The following NLRC3 variants were observed in gnomAD, a reference collection of about 807,000 sequenced individuals.
The protein encoded by NLRC3 is NLR family CARD domain-containing protein 3.
A neutral mutation model predicts 91.6 loss-of-function variants in NLRC3; 87 were observed. The ratio of observed to expected loss-of-function variants is 0.95; its 90% CI spans 0.80 to 1.14. NLRC3 has a LOEUF of 1.14. Among genes scored for constraint, NLRC3 ranks in the 50% most tolerant of loss-of-function variants. The probability of loss-of-function intolerance (pLI) is 0.00; values close to 1 mark genes in which losing one functional copy is unlikely to be tolerated. For missense variants in NLRC3, 1,577 were observed against 1,418.6 expected (o/e 1.11, Z -1.79); for synonymous variants, 694 against 625.3 (o/e 1.11, Z -1.64).
At position 3,564,075 on chromosome 16, in the gene NLRC3, C is replaced by T. The variant is rs1452604721; in HGVS notation, c.862G>A (p.Gly288Ser). ...ACCTTGATCTCCTCCTCGTTAAAGC[C>T]CCGGATCTCCGTCATCCGGTCCACC... ...GLVDRMTEIR[G>S]FNEEEIKVCL... The change falls in exon 5 of 20, where the codon GGC (glycine) becomes AGC (serine). Residue 288 changes from glycine (G) to serine (S), a missense_variant. Gly to Ser is a moderately conservative substitution (Grantham distance 56, BLOSUM62 0). Coordinates refer to ENST00000359128, the MANE Select transcript of NLRC3 (RefSeq NM_178844.4). This position sits in a 1 kb window ranked among gnomAD's most constrained non-coding sequence, Gnocchi z 5.9. 2 of 1,613,396 alleles carry T rather than the reference C, an allele frequency of 1.2e-6. No individual in the cohort carries two copies. The highest frequency in any genetic ancestry group is 8.5e-7 in the Non-Finnish European group (1 of 1,179,884).
Position 3,549,134 on chromosome 16 carries a change from C to G in NLRC3, c.2603+8G>C. On this transcript the variant is annotated splice_region_variant and intron_variant, in intron 13 of 19. Transcript: ENST00000359128. ...CAGCCTGTGGAGTCACAGGCCCCCA[C>G]CACGTACTCCAGGTTCTTCAGGGTG... is the stretch of plus-strand genomic sequence containing the variant. 3 of 1,562,508 alleles carry G rather than the reference C, an allele frequency of 1.9e-6. 1 individual carries two copies. In the South Asian group the frequency reaches 3.5e-5, roughly 18 times the overall value.
At chr16:3,554,113 C>T (rs1026985900) in intron 9 of NLRC3, 129 bp downstream of exon 9, 20 of 657,192 alleles carry the variant, frequency 3.0e-5, no homozygotes, top group Non-Finnish European at 4.7e-5. Flanking sequence ...CATCAGGGGC[C>T]ATCCAGATGG....
At chr16:3,568,423 T>C (rs1170509320) in intron 1 of NLRC3, among the ~76,000 whole-genome samples, 1 of 152,100 alleles carries the variant, frequency 6.6e-6, no homozygotes, top group Non-Finnish European at 1.5e-5. Context: ...CCAAGAGGGA[T>C]AAAAAATATG....
At chr16:3,549,059 C>A (rs868606789) in intron 13 of NLRC3, 83 bp downstream of exon 13, 1 of 1,070,578 alleles carries the variant, frequency 9.3e-7, no homozygotes, top group Non-Finnish European at 1.4e-6. Context: ...TGTGACGTGG[C>A]GAGGGTGCCC....
At chr16:3,549,844 C>T in intron 11 of NLRC3, 64 bp from the exon 12 acceptor site, 1 of 1,171,978 alleles carries the variant, frequency 8.5e-7, no homozygotes. Flanking sequence ...TGCCCTGTCC[C>T]AGTCTGGGAC....
Position 3,543,407 on chromosome 16 carries a change from G to A in NLRC3, c.2939+18C>T. 6.4e-7 allele frequency: 1 copy of A among 1,565,554 alleles called. No individual in the cohort carries two copies. The highest frequency in any genetic ancestry group is 1.7e-5 in the Admixed American group (1 of 58,866). On this transcript the variant is annotated intron_variant, in intron 17 of 19. Transcript: ENST00000359128. ...TTTCTTTGGGCTAAAGACCATAGAT[G>A]GAGACTGGAATACTTACTCGAGAAT...
At chr16:3,555,592 CAG>C (rs1197372017) in intron 8 of NLRC3, among the ~76,000 whole-genome samples, 2 of 152,062 alleles carry the variant, frequency 1.3e-5, no homozygotes, top group Non-Finnish European at 2.9e-5. Context: ...TTTTTTTAGA[CAG>C]AGTCTCGCTC....
chr16:3,571,021 C>T (rs1423136425), intron 1 of NLRC3, among the ~76,000 whole-genome samples: 2 of 151,940 alleles, frequency 1.3e-5, no homozygotes, highest in Non-Finnish European at 2.9e-5. Flanking sequence ...TGTGGGCTAG[C>T]ACAAGAATAG....
intron 17 of NLRC3, 100 bp downstream of exon 17, chr16:3,543,325 G>A (rs1358242819): frequency 2.4e-6 from 2 of 823,344 alleles, no homozygotes. Context: ...TCACCAGGAT[G>A]ATTTGTGAGT....
At chr16:3,548,363 T>G (rs370151237) in intron 14 of NLRC3, 145 bp from the exon 15 acceptor site, 1 of 705,744 alleles carries the variant, frequency 1.4e-6, no homozygotes, top group Non-Finnish European at 2.4e-6. Flanking sequence ...GACTTAGTTC[T>G]CAGAGGGTCA....
chr16:3,558,578 A>G (rs1461818529), intron 6 of NLRC3, among the ~76,000 whole-genome samples: 1 of 135,206 alleles, frequency 7.4e-6, no homozygotes, highest in African/African-American at 3.1e-5. Flanking sequence ...AAATTAAAAA[A>G]AAACCACACA....
rs773155391 is a variant in NLRC3, at chr16:3,563,597, G to C, written c.1340C>G (p.Ser447Trp). The C allele has an allele frequency of 4.5e-5, 72 of 1,612,990 alleles. No individual in the cohort carries two copies. The highest frequency in any genetic ancestry group is 6.1e-5 in the Non-Finnish European group (72 of 1,179,726). ...GTGGGTGAAGCAGTAGGCCACTGAC[G>C]ATGCCAACGTCTCCTCTCTCTGCAG... ...CFLQREETLA[S>W]SVAYCFTHLS... Residue 447 changes from serine (S) to tryptophan (W), a missense_variant, in exon 5 of 20, where the codon TCG (serine) becomes TGG (tryptophan). Transcript: ENST00000359128.
rs2038408871 is a variant in NLRC3, at chr16:3,541,812, C to G, written c.*13G>C. 1 of 1,572,976 alleles carries G rather than the reference C, an allele frequency of 6.4e-7. No individual in the cohort carries two copies. Among genetic ancestry groups the G allele is most frequent in the Non-Finnish European group, 8.7e-7 (1 of 1,144,304 alleles). The stretch of plus-strand genomic sequence containing the variant: ...CTGAGCATCTGCCCATTCTCCTGAT[C>G]CGTCCACCAGGATCACATTTCAACA... On this transcript the variant is annotated 3_prime_UTR_variant, in exon 20 of 20. Transcript: ENST00000359128.
intron 14 of NLRC3, 139 bp from the exon 15 acceptor site, chr16:3,548,357 T>C: frequency 2.8e-6 from 2 of 723,048 alleles, no homozygotes. Flanking sequence ...TGCCCAGACT[T>C]AGTTCTCAGA....
In NLRC3 at chr16:3,549,204, A is replaced by G. The variant is rs779740086; in HGVS notation, c.2541T>C (p.Ser847=). The part of the protein sequence containing the change: ...LSLSLRENSI[S]PEGAQAIAHA... ...GAGCGATGGCCTGGGCTCCCTCGGG[A>G]CTGATGGAGTTTTCTCGAAGGCTGA... The change falls in exon 13 of 20, where the codon AGT becomes AGC. Residue 847 remains serine, a synonymous_variant. Coordinates refer to ENST00000359128, the MANE Select transcript of NLRC3 (RefSeq NM_178844.4). 3.2e-6 allele frequency: 5 copies of G among 1,586,302 alleles called. No individual in the cohort carries two copies. The South Asian group carries it at 5.8e-5, about 18-fold the overall frequency.
chr16:3,559,663 G>A (rs1162799892), intron 6 of NLRC3, among the ~76,000 whole-genome samples: 1 of 148,918 alleles, frequency 6.7e-6, no homozygotes, highest in African/African-American at 2.5e-5. Context: ...TTTTGAGACG[G>A]GGTCTTGCTC....
chr16:3,543,941 G>A (rs2038547095), intron 16 of NLRC3: 2 of 368,006 alleles, frequency 5.4e-6, no homozygotes, highest in Admixed American at 8.3e-5. Flanking sequence ...ATCACCTGAA[G>A]TCAGGAGTTT....
intron 9 of NLRC3, among the ~76,000 whole-genome samples, chr16:3,553,189 C>G (rs1034256193): frequency 2.0e-5 from 3 of 152,184 alleles, no homozygotes; most frequent in African/African-American, 7.2e-5. Context: ...CAGAGCACTT[C>G]CTGAGAAAAC....
At chr16:3,556,318 C>CAAAAA (rs199528753) in intron 8 of NLRC3, among the ~76,000 whole-genome samples, 1 of 38,736 alleles carries the variant, frequency 2.6e-5, no homozygotes, top group Non-Finnish European at 5.1e-5. Context: ...GAATCCGTCT[C>CAAAAA]AAAAAAAAAA....
Sources: gnomAD v4.1 joint callset for allele counts (sites outside exome capture counted in the v4.1 genomes callset) on GRCh38, gnomAD v4.1.1 for gene constraint, Gnocchi (gnomAD v3.1) non-coding constraint, MANE v1.5 for transcripts, NCBI Gene and HGNC (gene_info 2026-07-23, HGNC 2026-07-21) for gene names.